RGS7: variants seen among roughly 807,000 people sequenced by gnomAD.
RGS7 encodes regulator of G protein signaling 7.
A neutral mutation model predicts 81.1 loss-of-function variants in RGS7; 27 were observed. The observed-to-expected ratio is 0.33, with a 90% CI of 0.25 to 0.46. The LOEUF is 0.46. RGS7 is among the 20% of genes least tolerant of loss of function. The probability of loss-of-function intolerance (pLI) is 1.00; values close to 1 mark genes in which losing one functional copy is unlikely to be tolerated. For missense variants in RGS7, 396 were observed against 607.4 expected, an observed-to-expected ratio of 0.65 and a Z score of 3.66; for synonymous variants, 208 against 207.7, an observed-to-expected ratio of 1.00 and a Z score of -0.01.
At chr1:240,915,583 A>G (rs1406147855) in intron 6 of RGS7, among the ~76,000 whole-genome samples, 1 of 152,224 alleles carries the variant, frequency 6.6e-6, no homozygotes, top group Non-Finnish European at 1.5e-5. Context: ...CTCTAGCTAC[A>G]GCAAACAGTA....
chr1:240,938,806 TTCA>T (rs1214963057), intron 4 of RGS7, among the ~76,000 whole-genome samples: 1 of 150,998 alleles, frequency 6.6e-6, no homozygotes. Flanking sequence ...GCATTTTTTT[TTCA>T]TCAATTTTGT....
chr1:241,090,269 T>C (rs2063793547), intron 3 of RGS7, among the ~76,000 whole-genome samples: 1 of 152,070 alleles, frequency 6.6e-6, no homozygotes, highest in African/African-American at 2.4e-5. Flanking sequence ...CAAGCTAAGC[T>C]GACAGCACTT....
chr1:240,828,121 G>A (rs985549035), intron 9 of RGS7, among the ~76,000 whole-genome samples: 2 of 152,170 alleles, frequency 1.3e-5, no homozygotes, highest in African/African-American at 4.8e-5. Flanking sequence ...ATAAATTCCT[G>A]ACCTTCCTTT....
At chr1:241,284,310 G>A (rs1322240835) in intron 2 of RGS7, among the ~76,000 whole-genome samples, 1 of 152,074 alleles carries the variant, frequency 6.6e-6, no homozygotes, top group East Asian at 1.9e-4. Context: ...GAAGAGAAGA[G>A]GAACCACCCC....
At chr1:240,820,940 C>G (rs558695453) in intron 10 of RGS7, among the ~76,000 whole-genome samples, 1 of 152,300 alleles carries the variant, frequency 6.6e-6, no homozygotes, top group East Asian at 1.9e-4. Flanking sequence ...GCTTTTCTGA[C>G]TGACTGGTGT....
chr1:241,070,825 G>A (rs538579605), intron 3 of RGS7, among the ~76,000 whole-genome samples: 1 of 152,320 alleles, frequency 6.6e-6, no homozygotes, highest in African/African-American at 2.4e-5. Flanking sequence ...GCCCTGTCTG[G>A]AAGAGAAAAT....
chr1:240,852,122 G>A (rs184774169), intron 9 of RGS7, among the ~76,000 whole-genome samples: 39 of 152,232 alleles, frequency 2.6e-4, no homozygotes, highest in African/African-American at 7.7e-4. Context: ...GCAAAAAAAA[G>A]AGTCAATTGA....
intron 2 of RGS7, among the ~76,000 whole-genome samples, chr1:241,169,458 T>G (rs1479296878): frequency 6.8e-6 from 1 of 146,834 alleles, no homozygotes; most frequent in Non-Finnish European, 1.5e-5. Flanking sequence ...ATTCTCTGCC[T>G]CAGCCTCCCA....
chr1:241,128,198 A>T (rs903183348), intron 2 of RGS7, among the ~76,000 whole-genome samples: 2 of 151,816 alleles, frequency 1.3e-5, no homozygotes, highest in South Asian at 2.1e-4. Context: ...AATGACGTGA[A>T]CCGGGAAAGT....
rs116023254 is a variant in RGS7, at chr1:240,875,400, A to C, written c.386-5281T>G. Among the ~76,000 whole-genome samples, 864 of 152,312 alleles carry C rather than the reference A, an allele frequency of 5.7e-3. 5 individuals are homozygous for C. The highest frequency in any genetic ancestry group is 9.2e-3 in the Non-Finnish European group (628 of 68,022). On this transcript the variant is annotated intron_variant, in intron 6 of 18. Transcript: ENST00000440928. ...AAGGCTGAATAGTATTTCATTGTGTATCTATCCCACATTTTCTTTACCCAT... is the reference window on the plus strand; with the variant it reads ...AAGGCTGAATAGTATTTCATTGTGTCTCTATCCCACATTTTCTTTACCCAT...
chr1:241,155,111 G>A (rs552457730), intron 2 of RGS7, among the ~76,000 whole-genome samples: 3 of 152,220 alleles, frequency 2.0e-5, no homozygotes. Context: ...TTTTGATTAT[G>A]TGTCTTTATT....
At chr1:240,926,297 G>C (rs56098491) in intron 6 of RGS7, among the ~76,000 whole-genome samples, 12,992 of 151,922 alleles carry the variant, frequency 0.086, 1,467 homozygotes, top group African/African-American at 0.26. Flanking sequence ...ATCTTTAATC[G>C]ATCTTGAGTT....
intron 3 of RGS7, among the ~76,000 whole-genome samples, chr1:240,983,669 A>G (rs868234007): frequency 6.6e-6 from 1 of 152,192 alleles, no homozygotes; most frequent in South Asian, 2.1e-4. Context: ...CTGATATGAC[A>G]GAACTTGCCT....
chr1:241,154,853 G>A (rs150749495), intron 2 of RGS7, among the ~76,000 whole-genome samples: 79 of 152,202 alleles, frequency 5.2e-4, no homozygotes, highest in Admixed American at 4.6e-3. Context: ...AAATGCTCAC[G>A]TCTAGGGCTT....
chr1:241,040,746 T>A lies in RGS7; in HGVS notation c.176-57617A>T, dbSNP rs192453393. On this transcript the variant is annotated intron_variant, in intron 3 of 18. Coordinates refer to ENST00000440928, the MANE Select transcript of RGS7 (RefSeq NM_001364886.1). ...CTCAGGTGATCCGCCCACCTCGGCC[T>A]CCCAAGGTGCTGGGATTACAGGCGG... is the stretch of plus-strand genomic sequence containing the variant. Among the ~76,000 whole-genome samples, 488 of 152,258 alleles carry A rather than the reference T, an allele frequency of 3.2e-3. 4 individuals are homozygous for A. The highest frequency in any genetic ancestry group is 0.015 in the South Asian group (73 of 4,818).
intron 2 of RGS7, among the ~76,000 whole-genome samples, chr1:241,129,242 T>C (rs928740038): frequency 1.4e-4 from 21 of 151,390 alleles, no homozygotes; most frequent in African/African-American, 4.6e-4. Flanking sequence ...TGAGGGGATA[T>C]TGGCTACTAG....
chr1:241,112,271 A>AAT (rs2065568285), intron 2 of RGS7, among the ~76,000 whole-genome samples: 1 of 152,150 alleles, frequency 6.6e-6, no homozygotes, highest in South Asian at 2.1e-4. Context: ...CATACTTATA[A>AAT]AATGCAGCCC....
At chr1:241,348,937 A>G (rs2083071133) in intron 2 of RGS7, among the ~76,000 whole-genome samples, 1 of 152,172 alleles carries the variant, frequency 6.6e-6, no homozygotes, top group Non-Finnish European at 1.5e-5. Context: ...AAAATATGGT[A>G]ACATAGGGTA....
At chr1:240,963,403 A>T (rs1681780350) in intron 4 of RGS7, among the ~76,000 whole-genome samples, 1 of 152,172 alleles carries the variant, frequency 6.6e-6, no homozygotes, top group South Asian at 2.1e-4. Flanking sequence ...AGAAATAAGA[A>T]ATCTCATGCC....
Sources: allele counts gnomAD v4.1 joint callset (sites outside exome capture counted in the v4.1 genomes callset), GRCh38; gene constraint gnomAD v4.1.1; transcripts MANE v1.5; gene names NCBI Gene and HGNC (gene_info 2026-07-23, HGNC 2026-07-21).